TRAF3IP1: variants seen among roughly 807,000 people sequenced by gnomAD.
The protein encoded by TRAF3IP1 is TRAF3-interacting protein 1.
In TRAF3IP1, 53 loss-of-function variants were observed where a neutral mutation model predicts 89.9. That is an observed-to-expected ratio of 0.59 (90% CI 0.47 to 0.74). The LOEUF is 0.74. Among genes scored for constraint, TRAF3IP1 ranks in the 30% least tolerant of loss-of-function variants. The probability of loss-of-function intolerance (pLI) is 0.00; values close to 1 mark genes in which losing one functional copy is unlikely to be tolerated. For missense variants in TRAF3IP1, 806 were observed against 866.1 expected, an observed-to-expected ratio of 0.93 and a Z score of 0.87; for synonymous variants, 311 against 322.1, an observed-to-expected ratio of 0.97 and a Z score of 0.37.
At chr2:238,341,550 A>ATTTTT (rs1476448345) in intron 8 of TRAF3IP1, among the ~76,000 whole-genome samples, 13,929 of 147,254 alleles carry the variant, frequency 0.095, 1,018 homozygotes, top group African/African-American at 0.21. Context: ...TTTTTTTAAA[A>ATTTTT]AAAAAACACT....
At chr2:238,360,855 G>A (rs1315841588) in intron 15 of TRAF3IP1, among the ~76,000 whole-genome samples, 1 of 150,850 alleles carries the variant, frequency 6.6e-6, no homozygotes, top group Non-Finnish European at 1.5e-5. Flanking sequence ...ACTCCAGCCT[G>A]GGGGACAAAG....
intron 8 of TRAF3IP1, among the ~76,000 whole-genome samples, chr2:238,343,715 T>C (rs931319390): frequency 6.7e-6 from 1 of 148,448 alleles, no homozygotes; most frequent in Non-Finnish European, 1.5e-5. Flanking sequence ...TGCAGTGGCG[T>C]GATCACAGCT....
intron 8 of TRAF3IP1, among the ~76,000 whole-genome samples, chr2:238,341,733 A>G (rs887998091): frequency 6.6e-6 from 1 of 152,158 alleles, no homozygotes; most frequent in Admixed American, 6.6e-5. Flanking sequence ...CTGTATGCAC[A>G]AGATCTCATT....
At chr2:238,325,669 C>T (rs1218957443) in intron 2 of TRAF3IP1, 140 bp from the exon 3 acceptor site, 2 of 856,008 alleles carry the variant, frequency 2.3e-6, no homozygotes, top group East Asian at 2.7e-5. Context: ...AGTAAAAGGT[C>T]AGTATTTCTA....
chr2:238,392,240 C>T (rs1701024231), intron 15 of TRAF3IP1, among the ~76,000 whole-genome samples: 1 of 152,158 alleles, frequency 6.6e-6, no homozygotes, highest in South Asian at 2.1e-4. Context: ...TAGAGATATA[C>T]TGTATGCCTT....
At chr2:238,394,289 T>C (rs1342734894) in intron 15 of TRAF3IP1, among the ~76,000 whole-genome samples, 1 of 152,252 alleles carries the variant, frequency 6.6e-6, no homozygotes, top group East Asian at 1.9e-4. Context: ...TGCCTTTCTG[T>C]ATACATTTTA....
In TRAF3IP1 at chr2:238,320,719, G is replaced by T. The variant is rs1442403482; in HGVS notation, c.57G>T (p.Arg19Ser). The change falls in exon 1 of 17, where the codon AGG becomes AGT. Residue 19 changes from arginine (R) to serine (S), a missense_variant. Physicochemically the swap from Arg to Ser is moderately radical, Grantham distance 110. Coordinates refer to ENST00000373327, the MANE Select transcript of TRAF3IP1 (RefSeq NM_015650.4). ...TQEALGKVIRRPPLTEKLLSK... is the reference protein window; with the variant it reads ...TQEALGKVIRSPPLTEKLLSK... ...AGGCGCTGGGGAAAGTGATTCGGAG[G>T]CCGCCGCTGACCGAGAAGCTGCTGA... 4.1e-6 allele frequency: 6 copies of T among 1,449,284 alleles called. No individual in the cohort carries two copies. The African/African-American group carries it at 4.4e-5, about 11-fold the overall frequency. The allele number at this position is 1,449,284 out of a possible 1,614,324, so 89.8% of individuals were successfully genotyped here.
At chr2:238,396,544 TA>T (rs112286282) in intron 15 of TRAF3IP1, among the ~76,000 whole-genome samples, 2,079 of 142,248 alleles carry the variant, frequency 0.015, 14 homozygotes, top group Non-Finnish European at 0.02. Flanking sequence ...ATAAAAAAAT[TA>T]AAAAAAAAAA....
At chr2:238,333,839 A>G (rs1441713445) in intron 6 of TRAF3IP1, 121 bp from the exon 7 acceptor site, 4 of 788,206 alleles carry the variant, frequency 5.1e-6, no homozygotes, top group East Asian at 2.7e-5. Flanking sequence ...TTTAAAGCAT[A>G]TGGGCACTAT....
intron 14 of TRAF3IP1, 92 bp downstream of exon 14, chr2:238,353,301 C>G: frequency 1.4e-6 from 2 of 1,403,936 alleles, no homozygotes; most frequent in Non-Finnish European, 2.0e-6. Flanking sequence ...GTGCAAGGGA[C>G]TGTTGTGTGC....
Position 238,397,445 on chromosome 2 carries a change from C to A in TRAF3IP1, c.1690-14C>A. 6.2e-7 allele frequency: 1 copy of A among 1,611,522 alleles called. No individual in the cohort carries two copies. The highest frequency in any genetic ancestry group is 1.1e-5 in the South Asian group (1 of 90,900). On this transcript the variant is annotated splice_polypyrimidine_tract_variant and intron_variant, in intron 15 of 16. Transcript: ENST00000373327. Reference sequence around the variant, plus strand: ...AGGAGGCGTGTTCCTCTTCCTATGTCTCCCTGACTGTAGGAGCGATCTCTC... The same window carrying A: ...AGGAGGCGTGTTCCTCTTCCTATGTATCCCTGACTGTAGGAGCGATCTCTC...
intron 12 of TRAF3IP1, among the ~76,000 whole-genome samples, chr2:238,350,663 A>G (rs1699109080): frequency 6.6e-6 from 1 of 152,114 alleles, no homozygotes; most frequent in African/African-American, 2.4e-5. Flanking sequence ...AATGCACAGG[A>G]CAGTCTCCAC....
intron 3 of TRAF3IP1, among the ~76,000 whole-genome samples, chr2:238,326,821 G>GA (rs1697858015): frequency 6.6e-6 from 1 of 152,100 alleles, no homozygotes; most frequent in African/African-American, 2.4e-5. Context: ...GTGCATAGTG[G>GA]TATCAGGCCG....
chr2:238,334,379 A>C (rs1698285438), intron 7 of TRAF3IP1, among the ~76,000 whole-genome samples: 1 of 152,224 alleles, frequency 6.6e-6, no homozygotes, highest in Non-Finnish European at 1.5e-5. Flanking sequence ...TCTGCATTTA[A>C]TCCTGATGCA....
rs1189384244 is a variant in TRAF3IP1, at chr2:238,329,340, A to C, written c.913A>C (p.Lys305Gln). The C allele has an allele frequency of 2.9e-6, 4 of 1,357,002 alleles. No homozygotes were observed. The highest frequency in any genetic ancestry group is 2.8e-5 in the Admixed American group (1 of 35,902). The allele number at this position is 1,357,002 out of a possible 1,614,324, so 84.1% of individuals were successfully genotyped here. Residue 305 changes from lysine (K) to glutamine (Q), a missense_variant and splice_region_variant, in exon 5 of 17, where the codon AAG becomes CAG. By Grantham distance (53) the Lys-to-Gln change is moderately conservative. This residue lies in a region of TRAF3IP1 where 732 missense variants were observed against 780.5 expected (regional missense o/e 0.94). Coordinates refer to ENST00000373327, the MANE Select transcript of TRAF3IP1 (RefSeq NM_015650.4). ...KNREHDKPEK[K>Q]SASSGEMSKK... ...CAGAGAGCATGACAAACCTGAGAAA[A>C]AGGTAAAGTCTTGCTGAGAACCTCG...
intron 15 of TRAF3IP1, among the ~76,000 whole-genome samples, chr2:238,376,213 G>A (rs1370735043): frequency 6.6e-6 from 1 of 152,174 alleles, no homozygotes. Flanking sequence ...ACACTGAAAC[G>A]TGAATTTTGT....
At chr2:238,390,768 G>T (rs138169268) in intron 15 of TRAF3IP1, among the ~76,000 whole-genome samples, 1 of 151,972 alleles carries the variant, frequency 6.6e-6, no homozygotes, top group African/African-American at 2.4e-5. Context: ...CCATTTTCTT[G>T]TGAGGAAGCT....
intron 15 of TRAF3IP1, among the ~76,000 whole-genome samples, chr2:238,375,096 A>AT (rs1212240008): frequency 2.6e-5 from 4 of 151,852 alleles, no homozygotes; most frequent in Admixed American, 6.6e-5. Flanking sequence ...GGATTCATTG[A>AT]TTTTCTGAAG....
intron 9 of TRAF3IP1, among the ~76,000 whole-genome samples, chr2:238,346,761 A>G (rs981811290): frequency 6.6e-6 from 1 of 152,274 alleles, no homozygotes; most frequent in East Asian, 1.9e-4. Context: ...CTGTCATGTG[A>G]ATCCATGCGC....
Sources: gnomAD v4.1 joint callset for allele counts (sites outside exome capture counted in the v4.1 genomes callset) on GRCh38, gnomAD v4.1.1 for gene constraint, gnomAD v4.1.1 regional missense constraint, MANE v1.5 for transcripts, NCBI Gene and HGNC (gene_info 2026-07-23, HGNC 2026-07-21) for gene names.